The following LRRC59 variants were observed in gnomAD, a reference collection of about 807,000 sequenced individuals.
LRRC59 encodes leucine-rich repeat-containing protein 59.
In LRRC59, 18 loss-of-function variants were observed where a neutral mutation model predicts 33.5. That is an observed-to-expected ratio of 0.54 (90% CI 0.37 to 0.80). LRRC59 has a LOEUF of 0.80. LRRC59 is among the 30% of genes least tolerant of loss of function. The probability of loss-of-function intolerance (pLI) is 0.00; values close to 1 mark genes in which losing one functional copy is unlikely to be tolerated. For missense variants in LRRC59, 330 were observed against 391.9 expected (o/e 0.84, Z 1.33); for synonymous variants, 138 against 160.0 (o/e 0.86, Z 1.04).
rs971943110 is a variant in LRRC59, at chr17:50,390,216, G to A, written c.430-2084C>T. ...CCGTTGCCATGATTGCAGGGAGAGT[G>A]TGGAAAGTAAGAGTCCAGGGTGTTG... On this transcript the variant is annotated intron_variant, in intron 4 of 6. Coordinates refer to ENST00000225972, the MANE Select transcript of LRRC59 (RefSeq NM_018509.4). 7.2e-5 allele frequency among the ~76,000 whole-genome samples: 11 copies of A among 152,228 alleles called. 1 individual carries two copies. The highest frequency in any genetic ancestry group is 2.4e-4 in the African/African-American group (10 of 41,534).
chr17:50,395,079 C>A, intron 1 of LRRC59, 91 bp from the exon 2 acceptor site: 2 of 880,108 alleles, frequency 2.3e-6, no homozygotes, highest in South Asian at 3.0e-5. Context: ...AGAGAATGTT[C>A]CCATGATTAG....
At chr17:50,390,111 A>G (rs1277773624) in intron 4 of LRRC59, among the ~76,000 whole-genome samples, 14 of 150,222 alleles carry the variant, frequency 9.3e-5, no homozygotes, top group East Asian at 3.9e-4. Context: ...AAAAAAAAAA[A>G]AAAAAGAAAA....
chr17:50,395,780 G>A (rs1420076823), intron 1 of LRRC59, among the ~76,000 whole-genome samples: 2 of 152,110 alleles, frequency 1.3e-5, no homozygotes, highest in African/African-American at 4.8e-5. Flanking sequence ...AGGCATGGTG[G>A]CACACGCTTG....
In LRRC59 at chr17:50,383,182, A is replaced by G; in HGVS notation, c.730T>C (p.Ser244Pro). The G allele has an allele frequency of 6.4e-7, 1 of 1,562,924 alleles. No homozygotes were observed. Among genetic ancestry groups the G allele is most frequent in the Non-Finnish European group, 8.7e-7 (1 of 1,153,376 alleles). ...AGCAGCAGCTTCAGCACAGCCCAGGAACGAGTGTGCTTCCGGGGTGGTGGC... is the reference window on the plus strand; with the variant it reads ...AGCAGCAGCTTCAGCACAGCCCAGGGACGAGTGTGCTTCCGGGGTGGTGGC... Reference protein sequence around the residue: ...RKPPPRKHTRSWAVLKLLLLL... With the variant: ...RKPPPRKHTRPWAVLKLLLLL... Residue 244 changes from serine to proline, a missense_variant, in exon 7 of 7, where the codon TCC becomes CCC. By Grantham distance (74) the Ser-to-Pro change is moderately conservative. Coordinates refer to ENST00000225972, the MANE Select transcript of LRRC59 (RefSeq NM_018509.4).
chr17:50,397,228 G>A lies in LRRC59; in HGVS notation c.90C>T (p.Val30=), dbSNP rs1914297940. 1.9e-6 allele frequency: 3 copies of A among 1,601,874 alleles called. No homozygotes were observed. The highest frequency in any genetic ancestry group is 2.2e-5 in the South Asian group (2 of 89,530). Residue 30 remains valine, a synonymous_variant, in exon 1 of 7, where the codon GTC becomes GTT. Transcript: ENST00000225972. ...LDLSLSDLNE[V]PVKELAALPK... The stretch of plus-strand genomic sequence containing the variant: ...CGATACTGACCAGCTCCTTCACCGG[G>A]ACCTCATTCAGGTCGCTGAGGCTCA...
At position 50,392,760 on chromosome 17, in the gene LRRC59, A is replaced by T; in HGVS notation, c.303T>A (p.Pro101=). The change falls in exon 3 of 7, where the codon CCT becomes CCA. Residue 101 remains proline (P), a synonymous_variant. Transcript: ENST00000225972. ...DLLNNKLVTL[P]VSFAQLKNLK... The stretch of plus-strand genomic sequence containing the variant: ...TTACCTTGAGCTGAGCAAAGCTGAC[A>T]GGCAAGGTGACCAGCTTGTTGTTGA... 1 of 1,614,212 alleles carries T rather than the reference A, an allele frequency of 6.2e-7. No individual in the cohort carries two copies.
At position 50,392,437 on chromosome 17, in the gene LRRC59, G is replaced by A; in HGVS notation, c.390C>T (p.Asp130=). Residue 130 remains aspartate (D), a synonymous_variant, in exon 4 of 7, where the codon GAC becomes GAT. Coordinates refer to ENST00000225972, the MANE Select transcript of LRRC59 (RefSeq NM_018509.4). The part of the protein sequence containing the change: ...LDPVLAKVAG[D]CLDEKQCKQC... ...GCTTACACTGCTTCTCATCCAAGCA[G>A]TCACCTGCCACCTTGGCCAGGACAG... 1 of 1,614,180 alleles carries A rather than the reference G, an allele frequency of 6.2e-7. No individual in the cohort carries two copies. Among genetic ancestry groups the A allele is most frequent in the East Asian group, 2.2e-5 (1 of 44,884 alleles).
At chr17:50,389,359 G>C (rs953618797) in intron 4 of LRRC59, among the ~76,000 whole-genome samples, 1 of 152,166 alleles carries the variant, frequency 6.6e-6, no homozygotes, top group Non-Finnish European at 1.5e-5. Flanking sequence ...AGGGGATAGA[G>C]TGTAAGCTTG....
rs762215142 is a variant in LRRC59, at chr17:50,383,061, T to A, written c.851A>T (p.Tyr284Phe). The part of the protein sequence containing the change: ...QPLCTSVNTI[Y>F]DNAVQGLRRH... ...GCGTAGACCCTGGACCGCATTGTCA[T>A]AGATGGTGTTCACGCTGGTGCAGAG... is the stretch of plus-strand genomic sequence containing the variant. Residue 284 changes from tyrosine to phenylalanine, a missense_variant, in exon 7 of 7, where the codon TAT becomes TTT. By Grantham distance (22) the Tyr-to-Phe change is conservative. Coordinates refer to ENST00000225972, the MANE Select transcript of LRRC59 (RefSeq NM_018509.4). 1 of 1,612,586 alleles carries A rather than the reference T, an allele frequency of 6.2e-7. No homozygotes were observed. The highest frequency in any genetic ancestry group is 2.2e-5 in the East Asian group (1 of 44,870).
intron 4 of LRRC59, among the ~76,000 whole-genome samples, chr17:50,388,918 G>A (rs1344483591): frequency 6.6e-6 from 1 of 152,150 alleles, no homozygotes; most frequent in Non-Finnish European, 1.5e-5. Context: ...TTCCTTAATG[G>A]CAGGAACCGC....
intron 4 of LRRC59, among the ~76,000 whole-genome samples, chr17:50,391,545 T>C (rs763234091): frequency 6.6e-6 from 1 of 152,028 alleles, no homozygotes; most frequent in African/African-American, 2.4e-5. Context: ...ATAGTTGGAG[T>C]TATTAAGAGA....
In LRRC59 at chr17:50,382,956, AGGCTGG is replaced by A; in HGVS notation, c.*26_*31del. The A allele has an allele frequency of 6.2e-7, 1 of 1,602,580 alleles. No individual in the cohort carries two copies. ...CAATTCCATAGGAATCCAAACTCCA[AGGCTGG>A]GAGGCAGCAGGTGCTGGGGACAAGC... On this transcript the variant is annotated 3_prime_UTR_variant, in exon 7 of 7. Coordinates refer to ENST00000225972, the MANE Select transcript of LRRC59 (RefSeq NM_018509.4).
At chr17:50,383,506 G>C (rs1301777105) in intron 6 of LRRC59, among the ~76,000 whole-genome samples, 4 of 152,142 alleles carry the variant, frequency 2.6e-5, no homozygotes, top group African/African-American at 7.2e-5. Context: ...TTGGTAACAT[G>C]GTGATCCACG....
chr17:50,391,977 T>C (rs1914154670), intron 4 of LRRC59, among the ~76,000 whole-genome samples: 1 of 152,146 alleles, frequency 6.6e-6, no homozygotes, highest in African/African-American at 2.4e-5. Flanking sequence ...GGTGGGCGAA[T>C]CATTTGAGGT....
At chr17:50,392,713 T>C in intron 3 of LRRC59, 26 bp downstream of exon 3, 7 of 1,609,656 alleles carry the variant, frequency 4.3e-6, no homozygotes, top group Non-Finnish European at 6.0e-6. Flanking sequence ...ACCCTGGCCA[T>C]GAAACACTGG....
At chr17:50,390,097 CAAAA>C (rs57027679) in intron 4 of LRRC59, among the ~76,000 whole-genome samples, 5 of 85,286 alleles carry the variant, frequency 5.9e-5, no homozygotes, top group Admixed American at 1.2e-4. Context: ...GACTCTGTCT[CAAAA>C]AAAAAAAAAA....
rs201332762 is a variant in LRRC59, at chr17:50,383,002, C to T, written c.910G>A (p.Asp304Asn). ...HEILQWVLQT[D>N]SQQ is the part of the protein sequence containing the mutation. ...TGGGGACAAGCTCACTGCTGAGAGT[C>T]GGTCTGGAGGACCCACTGGAGGATC... The change falls in exon 7 of 7, where the codon GAC (aspartate) becomes AAC (asparagine). Residue 304 changes from aspartate to asparagine, a missense_variant. Physicochemically the swap from Asp to Asn is conservative, Grantham distance 23. Coordinates refer to ENST00000225972, the MANE Select transcript of LRRC59 (RefSeq NM_018509.4). The T allele has an allele frequency of 3.7e-5, 60 of 1,612,702 alleles. No homozygotes were observed. The highest frequency in any genetic ancestry group is 4.7e-5 in the Non-Finnish European group (55 of 1,179,892).
chr17:50,384,348 CAG>C (rs1326958593), intron 6 of LRRC59, among the ~76,000 whole-genome samples: 19 of 152,030 alleles, frequency 1.2e-4, no homozygotes, highest in Admixed American at 1.2e-3. Context: ...TATGTAGAGA[CAG>C]AGTCTCTATG....
At chr17:50,383,340 T>C (rs1913917003) in intron 6 of LRRC59, 105 bp from the exon 7 acceptor site, 1 of 1,394,688 alleles carries the variant, frequency 7.2e-7, no homozygotes, top group East Asian at 2.5e-5. Flanking sequence ...CATTCCTTCC[T>C]CAAGCAAAAA....
Sources: allele counts gnomAD v4.1 joint callset (sites outside exome capture counted in the v4.1 genomes callset), GRCh38; gene constraint gnomAD v4.1.1; transcripts MANE v1.5; gene names NCBI Gene and HGNC (gene_info 2026-07-23, HGNC 2026-07-21).